The following CEMIP2 variants were observed in gnomAD, a reference collection of about 807,000 sequenced individuals.
CEMIP2 encodes the protein cell migration inducing hyaluronidase 2.
In CEMIP2, 79 loss-of-function variants were observed where a neutral mutation model predicts 146.9. The ratio of observed to expected loss-of-function variants is 0.54; its 90% confidence interval spans 0.45 to 0.65. The LOEUF (loss-of-function observed/expected upper bound fraction) is 0.65. CEMIP2 is among the 30% of genes least tolerant of loss of function. CEMIP2 has a pLI of 0.00. For synonymous variants in CEMIP2, 601 were observed against 606.3 expected (o/e 0.99, Z 0.13); for missense variants, 1,596 against 1,696.2 (o/e 0.94, Z 1.04).
chr9:71,768,895 A>C (rs1400621697), upstream of CEMIP2: 1 of 4,584 alleles, frequency 2.2e-4, no homozygotes, highest in African/African-American at 1.0e-3. Flanking sequence ...GGAACTGTGG[A>C]TTGGGCGGGC....
chr9:71,694,268 A>G (rs12350285), intron 21 of CEMIP2, among the ~76,000 whole-genome samples: 9,694 of 151,336 alleles, frequency 0.064, 756 homozygotes, highest in African/African-American at 0.18. Flanking sequence ...GACTACAGGC[A>G]CCCACCCGCC....
In CEMIP2 at chr9:71,729,917, G is replaced by A. The variant is rs1823564557; in HGVS notation, c.1980-3C>T. 6.2e-7 allele frequency: 1 copy of A among 1,613,966 alleles called. No homozygotes were observed. The highest frequency in any genetic ancestry group is 1.1e-5 in the South Asian group (1 of 91,082). On this transcript the variant is annotated splice_region_variant and splice_polypyrimidine_tract_variant and intron_variant, in intron 9 of 23. Coordinates refer to ENST00000377044, the MANE Select transcript of CEMIP2 (RefSeq NM_013390.3). ...CAATCCAGAAAGTTGAAACAGCCCT[G>A]CAAGGCATTTTTCAAGGTGATTTAA...
chr9:71,700,607 G>C (rs373586288), intron 19 of CEMIP2, 35 bp downstream of exon 19: 44 of 1,537,192 alleles, frequency 2.9e-5, no homozygotes, highest in Non-Finnish European at 3.6e-5. Context: ...AAGAAAAATA[G>C]GAATAATTCT....
At chr9:71,750,970 C>T (rs917888222) in intron 1 of CEMIP2, among the ~76,000 whole-genome samples, 4 of 152,138 alleles carry the variant, frequency 2.6e-5, no homozygotes, top group African/African-American at 9.7e-5. Flanking sequence ...TGGTCTCAAA[C>T]TCCGGAGCTC....
intron 19 of CEMIP2, chr9:71,699,508 C>T (rs771607579): frequency 2.5e-6 from 1 of 404,310 alleles, no homozygotes; most frequent in Non-Finnish European, 4.8e-6. Context: ...AAATTGGAGA[C>T]AATTATGACA....
intron 1 of CEMIP2, among the ~76,000 whole-genome samples, chr9:71,752,736 C>T (rs1452620540): frequency 6.6e-6 from 1 of 152,022 alleles, no homozygotes; most frequent in Non-Finnish European, 1.5e-5. Context: ...TTGCTCTAAA[C>T]TATCAGCAAA....
intron 1 of CEMIP2, among the ~76,000 whole-genome samples, chr9:71,767,145 G>A (rs1308476286): frequency 6.6e-6 from 1 of 152,200 alleles, no homozygotes; most frequent in Non-Finnish European, 1.5e-5. Context: ...ATAAGCATTA[G>A]TAGCTCCATT....
At position 71,703,835 on chromosome 9, in the gene CEMIP2, T is replaced by C. The variant is rs971944645; in HGVS notation, c.3194+760A>G. On this transcript the variant is annotated intron_variant, in intron 18 of 23. Transcript: ENST00000377044. ...TTATTAATATAACAAGACAGATTGC[T>C]TCATCAGAATCATTCCTCACTGCAG... 7.2e-5 allele frequency among the ~76,000 whole-genome samples: 11 copies of C among 152,310 alleles called. 1 individual carries two copies. The highest frequency in any genetic ancestry group is 3.9e-4 in the East Asian group (2 of 5,178).
Position 71,685,395 on chromosome 9 carries a change from TAAAAAAAA to T in CEMIP2, c.3956-10_3956-3del. On this transcript the variant is annotated splice_region_variant and splice_polypyrimidine_tract_variant and intron_variant, in intron 23 of 23. Transcript: ENST00000377044. ...TGAATCCCAAAAATATGGTACTCCC[TAAAAAAAA>T]AAAAAAAAAAGAAAAAGAAAAAAAA... 2 of 1,177,088 alleles carry T rather than the reference TAAAAAAAA, an allele frequency of 1.7e-6. No homozygotes were observed. Among genetic ancestry groups the T allele is most frequent in the Non-Finnish European group, 2.1e-6 (2 of 944,260 alleles). The allele number at this position is 1,177,088 out of a possible 1,614,324, so 72.9% of individuals were successfully genotyped here.
At chr9:71,763,362 G>A (rs1280458308) in intron 1 of CEMIP2, among the ~76,000 whole-genome samples, 1 of 152,084 alleles carries the variant, frequency 6.6e-6, no homozygotes. Context: ...ACCTGACCAC[G>A]ATATCAAATT....
At chr9:71,733,500 A>C (rs553325682) in intron 6 of CEMIP2, among the ~76,000 whole-genome samples, 1 of 152,324 alleles carries the variant, frequency 6.6e-6, no homozygotes, top group African/African-American at 2.4e-5. Flanking sequence ...GGAAAAGTAC[A>C]ATGTTGACGG....
intron 4 of CEMIP2, 45 bp from the exon 5 acceptor site, chr9:71,740,277 T>C (rs1823877490): frequency 6.3e-7 from 1 of 1,594,784 alleles, no homozygotes; most frequent in African/African-American, 1.3e-5. Context: ...TGTCATGGTA[T>C]TCACAAAATC....
chr9:71,752,106 G>T (rs1824271254), intron 1 of CEMIP2, among the ~76,000 whole-genome samples: 1 of 152,022 alleles, frequency 6.6e-6, no homozygotes, highest in Non-Finnish European at 1.5e-5. Context: ...GAGGCCCAGG[G>T]AGGTTAATTA....
intron 17 of CEMIP2, among the ~76,000 whole-genome samples, chr9:71,707,167 T>C (rs1300651580): frequency 6.6e-6 from 1 of 152,154 alleles, no homozygotes; most frequent in East Asian, 1.9e-4. Context: ...TTCTAGAACG[T>C]CTATAGTTCC....
At chr9:71,702,380 C>T (rs1356230872) in intron 18 of CEMIP2, among the ~76,000 whole-genome samples, 2 of 148,104 alleles carry the variant, frequency 1.4e-5, no homozygotes, top group African/African-American at 2.5e-5. Flanking sequence ...GAATTATTGT[C>T]TATAATAGCA....
At chr9:71,704,220 C>T (rs1158573953) in intron 18 of CEMIP2, among the ~76,000 whole-genome samples, 2 of 152,102 alleles carry the variant, frequency 1.3e-5, no homozygotes, top group South Asian at 4.2e-4. Context: ...CTTTCTTCTG[C>T]CAAGTCTAAA....
intron 19 of CEMIP2, among the ~76,000 whole-genome samples, chr9:71,699,829 T>C (rs1822508780): frequency 6.6e-6 from 1 of 152,176 alleles, no homozygotes; most frequent in Non-Finnish European, 1.5e-5. Context: ...AGGATGTCAC[T>C]GGTTACTCTA....
chr9:71,725,601 T>TG lies in CEMIP2; in HGVS notation c.2157dup (p.Arg720GlnfsTer7). The TG allele has an allele frequency of 6.2e-7, 1 of 1,613,958 alleles. No homozygotes were observed. Among genetic ancestry groups the TG allele is most frequent in the Non-Finnish European group, 8.5e-7 (1 of 1,179,946 alleles). ...CCTACCTTAAAATTTGAATGGACCCTGTTGTTATAAAATATACCCAATGGA... is the reference window on the plus strand; with the variant it reads ...CCTACCTTAAAATTTGAATGGACCCTGGTTGTTATAAAATATACCCAATGGA... On this transcript the variant is annotated frameshift_variant, in exon 11 of 24. Coordinates refer to ENST00000377044, the MANE Select transcript of CEMIP2 (RefSeq NM_013390.3). LOFTEE classifies it high-confidence loss of function.
At chr9:71,688,104 G>A (rs368815696) in intron 22 of CEMIP2, among the ~76,000 whole-genome samples, 4 of 152,114 alleles carry the variant, frequency 2.6e-5, no homozygotes, top group East Asian at 1.9e-4. Flanking sequence ...CAATCGTCCC[G>A]CCATGGCCTC....
Sources: allele counts gnomAD v4.1 joint callset (sites outside exome capture counted in the v4.1 genomes callset), GRCh38; gene constraint gnomAD v4.1.1; transcripts MANE v1.5; gene names NCBI Gene and HGNC (gene_info 2026-07-23, HGNC 2026-07-21).